The following LRRC69 variants were observed in gnomAD, a reference collection of about 807,000 sequenced individuals.
The protein encoded by LRRC69 is leucine-rich repeat-containing protein 69.
A neutral mutation model predicts 37.8 loss-of-function variants in LRRC69; 42 were observed. The ratio of observed to expected loss-of-function variants is 1.11; its 90% CI spans 0.87 to 1.44. The LOEUF (loss-of-function observed/expected upper bound fraction) is 1.44. LRRC69 is among the 40% of genes most tolerant of loss of function. LRRC69 has a pLI of 0.00. For synonymous variants in LRRC69, 141 were observed against 143.1 expected, an observed-to-expected ratio of 0.99 and a Z score of 0.11; for missense variants, 357 against 401.9, an observed-to-expected ratio of 0.89 and a Z score of 0.96.
intron 5 of LRRC69, among the ~76,000 whole-genome samples, chr8:91,150,419 A>G (rs1808711219): frequency 6.6e-6 from 1 of 152,044 alleles, no homozygotes; most frequent in Admixed American, 6.6e-5. Flanking sequence ...CCAGCCTTGC[A>G]TCCCAGAGAT....
chr8:91,209,952 T>A (rs1809877441), intron 7 of LRRC69, among the ~76,000 whole-genome samples: 1 of 152,200 alleles, frequency 6.6e-6, no homozygotes, highest in East Asian at 1.9e-4. Flanking sequence ...TGCTAAGCTC[T>A]CTGGATCCAA....
intron 7 of LRRC69, among the ~76,000 whole-genome samples, chr8:91,211,361 G>C (rs549554284): frequency 6.6e-6 from 1 of 151,482 alleles, no homozygotes; most frequent in South Asian, 2.1e-4. Context: ...TAAATTTAAG[G>C]ATGCTTAAAA....
intron 2 of LRRC69, among the ~76,000 whole-genome samples, chr8:91,125,298 A>G (rs1813698497): frequency 6.6e-6 from 1 of 151,828 alleles, no homozygotes; most frequent in Non-Finnish European, 1.5e-5. Context: ...ATTTCTATGA[A>G]CTTTTGAGGC....
intron 5 of LRRC69, among the ~76,000 whole-genome samples, chr8:91,144,616 C>A (rs1808585265): frequency 6.6e-6 from 1 of 151,906 alleles, no homozygotes; most frequent in Admixed American, 6.6e-5. Context: ...ACTACTTATC[C>A]TGACGTCTCT....
chr8:91,184,329 A>G (rs1358421904), intron 5 of LRRC69, among the ~76,000 whole-genome samples: 1 of 152,096 alleles, frequency 6.6e-6, no homozygotes, highest in Non-Finnish European at 1.5e-5. Flanking sequence ...CCTTTTATGC[A>G]TAAACATTTG....
At chr8:91,129,419 C>G (rs1813770429) in intron 3 of LRRC69, among the ~76,000 whole-genome samples, 1 of 151,960 alleles carries the variant, frequency 6.6e-6, no homozygotes, top group African/African-American at 2.4e-5. Context: ...ATATTTGTTT[C>G]TCTCCCTGCT....
At chr8:91,207,797 T>A (rs1349190707) in intron 7 of LRRC69, among the ~76,000 whole-genome samples, 1 of 152,184 alleles carries the variant, frequency 6.6e-6, no homozygotes, top group African/African-American at 2.4e-5. Context: ...CAGTGACTCT[T>A]TTATGTGAAG....
At chr8:91,164,815 A>G (rs761478960) in intron 5 of LRRC69, among the ~76,000 whole-genome samples, 17 of 151,682 alleles carry the variant, frequency 1.1e-4, no homozygotes, top group Middle Eastern at 3.4e-3. Context: ...AACCAAAAAT[A>G]CTCTTAATTA....
chr8:91,199,097 T>C (rs1809670160), intron 6 of LRRC69, among the ~76,000 whole-genome samples: 1 of 152,210 alleles, frequency 6.6e-6, no homozygotes, highest in South Asian at 2.1e-4. Context: ...TCATCTGCTA[T>C]TTTGGGTAGT....
At chr8:91,171,240 A>G (rs1195211379) in intron 5 of LRRC69, among the ~76,000 whole-genome samples, 1 of 151,982 alleles carries the variant, frequency 6.6e-6, no homozygotes, top group Admixed American at 6.6e-5. Flanking sequence ...ACCCAGGACA[A>G]TTGTTTGACT....
chr8:91,165,677 G>A (rs1809015096), intron 5 of LRRC69, among the ~76,000 whole-genome samples: 1 of 151,668 alleles, frequency 6.6e-6, no homozygotes, highest in Admixed American at 6.6e-5. Flanking sequence ...AAGACATGCA[G>A]TTAATGGGTT....
intron 5 of LRRC69, among the ~76,000 whole-genome samples, chr8:91,183,142 G>A (rs1462157669): frequency 6.6e-6 from 1 of 152,198 alleles, no homozygotes; most frequent in East Asian, 1.9e-4. Flanking sequence ...CTGTGGCCCA[G>A]GAATGTAGGG....
intron 5 of LRRC69, among the ~76,000 whole-genome samples, chr8:91,151,582 T>A (rs536229955): frequency 6.6e-6 from 1 of 151,838 alleles, no homozygotes; most frequent in East Asian, 1.9e-4. Flanking sequence ...TTTGCTATTG[T>A]GAATAGTGCT....
At chr8:91,109,333 C>T (rs1032740773) in intron 1 of LRRC69, among the ~76,000 whole-genome samples, 5 of 152,048 alleles carry the variant, frequency 3.3e-5, no homozygotes, top group African/African-American at 7.2e-5. Context: ...ATCTGTAGAC[C>T]TGCCTTGACT....
At chr8:91,137,815 G>A (rs893707306) in intron 5 of LRRC69, among the ~76,000 whole-genome samples, 1 of 151,912 alleles carries the variant, frequency 6.6e-6, no homozygotes, top group South Asian at 2.1e-4. Flanking sequence ...CACAACTGGT[G>A]GACCTAGAGG....
At chr8:91,146,843 A>G (rs1808627572) in intron 5 of LRRC69, among the ~76,000 whole-genome samples, 1 of 151,762 alleles carries the variant, frequency 6.6e-6, no homozygotes. Flanking sequence ...ATATTTGACA[A>G]TGTCTGGAGA....
At chr8:91,179,571 A>T (rs11783986) in intron 5 of LRRC69, among the ~76,000 whole-genome samples, 102,620 of 151,846 alleles carry the variant, frequency 0.68, 35,129 homozygotes, top group African/African-American at 0.74. Flanking sequence ...TATTTTAAGC[A>T]ACTACCCACT....
chr8:91,206,934 C>A, intron 7 of LRRC69: 2 of 978,112 alleles, frequency 2.0e-6, no homozygotes, highest in Non-Finnish European at 2.7e-6. Context: ...ACCAGAGAGT[C>A]TGGGCTATGT....
intron 2 of LRRC69, among the ~76,000 whole-genome samples, chr8:91,126,597 A>T (rs1000671967): frequency 1.6e-4 from 25 of 152,128 alleles, no homozygotes; most frequent in African/African-American, 6.0e-4. Context: ...ATTCCTGTGG[A>T]CATGTGAGTT....
Sources: allele counts gnomAD v4.1 joint callset (sites outside exome capture counted in the v4.1 genomes callset), GRCh38; gene constraint gnomAD v4.1.1; transcripts MANE v1.5; gene names NCBI Gene and HGNC (gene_info 2026-07-23, HGNC 2026-07-21).